PNMA6E: variants seen among roughly 807,000 people sequenced by gnomAD.
PNMA6E encodes the protein paraneoplastic antigen Ma6E.
For synonymous variants in PNMA6E, 43 were observed against 17.1 expected, an observed-to-expected ratio of 2.52 and a Z score of -3.74; for missense variants, 78 against 50.8, an observed-to-expected ratio of 1.53 and a Z score of -1.63.
At chrX:153,409,488 G>T in the PNMA6E span, among the ~76,000 whole-genome samples, 285 of 113,151 alleles carry the variant, frequency 2.5e-3, 4 homozygotes, top group East Asian at 0.051. Flanking sequence ...GTTGGGCATG[G>T]GTTTGCAGTT....
rs782039553 is a variant in PNMA6E, at chrX:153,399,582, A to G, written c.-71-662T>C. Among the ~76,000 whole-genome samples, 400 of 111,370 alleles carry G rather than the reference A, an allele frequency of 3.6e-3. 3 individuals are homozygous for G. Among genetic ancestry groups the G allele is most frequent in the African/African-American group, 0.012 (377 of 30,583 alleles). On this transcript the variant is annotated intron_variant, in intron 1 of 1. Transcript: ENST00000445091. Reference sequence around the variant, plus strand: ...AGGCTGGCCTTGAACTCCTGGGCTCAGGCAATCCTCCCGCCTCAGCCTCTC... The same window carrying G: ...AGGCTGGCCTTGAACTCCTGGGCTCGGGCAATCCTCCCGCCTCAGCCTCTC...
At chrX:153,409,479 T>C in the PNMA6E span, among the ~76,000 whole-genome samples, 103 of 112,998 alleles carry the variant, frequency 9.1e-4, no homozygotes, top group Non-Finnish European at 1.2e-3. Context: ...CCTCTCTAGG[T>C]TGGGCATGGG....
intron 1 of PNMA6E, among the ~76,000 whole-genome samples, chrX:153,399,333 GTGT>G (rs2088833416): frequency 9.9e-6 from 1 of 101,512 alleles, no homozygotes. Context: ...GTGTGTGTGT[GTGT>G]TGTTTTTTGT....
upstream of PNMA6E, among the ~76,000 whole-genome samples, chrX:153,404,630 T>G (rs2088868876): frequency 8.9e-6 from 1 of 112,167 alleles, no homozygotes; most frequent in Non-Finnish European, 1.9e-5. Flanking sequence ...GTATTGGGCA[T>G]CAGCTGAAAC....
chrX:153,398,713 A>C lies in PNMA6E; in HGVS notation c.137T>G (p.Leu46Arg). 3.2e-6 allele frequency: 1 copy of C among 309,728 alleles called. No homozygotes were observed. The allele number at this position is 309,728 out of a possible 1,213,427, so 25.5% of individuals were successfully genotyped here. A position where few individuals can be genotyped will look rare whatever the true frequency, so the allele number is the denominator to read the frequency against. ...QEAVRAALSP[L>R]GRYRVLTKHF... The stretch of plus-strand genomic sequence containing the variant: ...CTTGGTGAGTACTCGGTACCTGCCC[A>C]GGGGCGACAGGGCAGCCCGCACGGC... The change falls in exon 2 of 2, where the codon CTG becomes CGG. Residue 46 changes from leucine (L) to arginine (R), a missense_variant. Physicochemically the swap from Leu to Arg is moderately radical, Grantham distance 102 (BLOSUM62 -2). Coordinates refer to ENST00000445091, the MANE Select transcript of PNMA6E (RefSeq NM_001367770.1).
chrX:153,401,861 C>T (rs191711433), upstream of PNMA6E, among the ~76,000 whole-genome samples: 437 of 82,659 alleles, frequency 5.3e-3, 6 homozygotes, highest in African/African-American at 0.019. Flanking sequence ...TTTTGAGACT[C>T]GCTCTGTTGC....
intron 1 of PNMA6E, among the ~76,000 whole-genome samples, 175 bp downstream of exon 1, chrX:153,401,069 C>T (rs1027220183): frequency 1.5e-4 from 16 of 108,989 alleles, no homozygotes; most frequent in African/African-American, 4.0e-4. Context: ...ACAGCCACGC[C>T]GCACCTAAAC....
At chrX:153,406,114 TC>T (rs2088875982), upstream of PNMA6E, among the ~76,000 whole-genome samples, 1 of 110,312 alleles carries the variant, frequency 9.1e-6, no homozygotes, top group Admixed American at 9.6e-5. Flanking sequence ...GTAAGAAGAG[TC>T]AAAAAAGGAC....
rs1287034964 is a variant in PNMA6E, at chrX:153,396,203, A to C, written c.*703T>G. On this transcript the variant is annotated 3_prime_UTR_variant, in exon 2 of 2. Transcript: ENST00000445091. ...CCGGGGAGAGGCTGCTCAGAGAAGA[A>C]CACACGCAGCTCCACGAGAACAAGC... 1 of 122,396 alleles carries C rather than the reference A, an allele frequency of 8.2e-6. No homozygotes were observed. The highest frequency in any genetic ancestry group is 3.8e-4 in the South Asian group (1 of 2,601). The allele number at this position is 122,396 out of a possible 1,213,427, so 10.1% of individuals were successfully genotyped here. A position where few individuals can be genotyped will look rare whatever the true frequency, so the allele number is the denominator to read the frequency against.
Position 153,397,102 on chromosome X carries a change from G to C in PNMA6E, c.1748C>G (p.Pro583Arg), listed in dbSNP as rs1219439113. The C allele has an allele frequency of 6.7e-6, 2 of 298,235 alleles. No individual in the cohort carries two copies. The highest frequency in any genetic ancestry group is 9.5e-5 in the East Asian group (2 of 21,077). 24.6% of individuals were successfully genotyped at this position (298,235 alleles called of 1,213,427 possible). ...RPIEVPWGSS[P>R]ARMSSAVWVF... ...CCAGACAGCACTGCTCATCCGGGCT[G>C]GGGAGGAGCCCCAGGGGACCTCTAT... The change falls in exon 2 of 2, where the codon CCA becomes CGA. Residue 583 changes from proline (P) to arginine (R), a missense_variant. Pro to Arg is a moderately radical substitution (Grantham distance 103). Transcript: ENST00000445091.
chrX:153,413,206 G>A, the PNMA6E span, among the ~76,000 whole-genome samples: 2 of 108,929 alleles, frequency 1.8e-5, no homozygotes, highest in South Asian at 4.1e-4. Flanking sequence ...TGCTCCCACC[G>A]AGTGGGACTG....
upstream of PNMA6E, among the ~76,000 whole-genome samples, chrX:153,405,469 A>G (rs782023070): frequency 9.0e-6 from 1 of 110,975 alleles, no homozygotes; most frequent in Non-Finnish European, 1.9e-5. Flanking sequence ...CAGAGAAGGC[A>G]GCGTGTGTCT....
the PNMA6E span, among the ~76,000 whole-genome samples, chrX:153,412,395 A>C: frequency 5.3e-5 from 6 of 112,654 alleles, no homozygotes; most frequent in Non-Finnish European, 9.4e-5. Context: ...GAGATCTGCC[A>C]GGGACACGGC....
chrX:153,400,943 C>T (rs2124273455), intron 1 of PNMA6E, among the ~76,000 whole-genome samples: 1 of 109,895 alleles, frequency 9.1e-6, no homozygotes, highest in Non-Finnish European at 1.9e-5. Flanking sequence ...GCGACCCTCT[C>T]CGCCCAGGGA....
At chrX:153,410,126 C>G in the PNMA6E span, among the ~76,000 whole-genome samples, 1 of 111,322 alleles carries the variant, frequency 9.0e-6, no homozygotes, top group Non-Finnish European at 1.9e-5. Flanking sequence ...CCTCTTCCAG[C>G]TTCTGGGGGC....
At chrX:153,404,616 C>T (rs781941513), upstream of PNMA6E, among the ~76,000 whole-genome samples, 111 of 112,095 alleles carry the variant, frequency 9.9e-4, no homozygotes, top group African/African-American at 3.1e-3. Context: ...ACTCCGTTTC[C>T]ACGGTATTGG....
chrX:153,396,502 G>C lies in PNMA6E; in HGVS notation c.*404C>G, dbSNP rs782523855. 28 of 116,019 alleles carry C rather than the reference G, an allele frequency of 2.4e-4. No individual in the cohort carries two copies. Among genetic ancestry groups the C allele is most frequent in the Non-Finnish European group, 4.2e-4 (23 of 55,284 alleles). 9.6% of individuals were successfully genotyped at this position (116,019 alleles called of 1,213,427 possible). ...GATGGCAAGTGGGCTGACCCCTCTTGAGAGACCCAGGCAGCTGGCAACCTT... is the reference window on the plus strand; with the variant it reads ...GATGGCAAGTGGGCTGACCCCTCTTCAGAGACCCAGGCAGCTGGCAACCTT... On this transcript the variant is annotated 3_prime_UTR_variant, in exon 2 of 2. Coordinates refer to ENST00000445091, the MANE Select transcript of PNMA6E (RefSeq NM_001367770.1).
the PNMA6E span, among the ~76,000 whole-genome samples, chrX:153,409,597 G>A: frequency 2.7e-5 from 3 of 113,167 alleles, no homozygotes; most frequent in East Asian, 2.8e-4. Context: ...TAGGCGTCGC[G>A]CTCTTCAGCT....
Position 153,396,263 on chromosome X carries a change from G to C in PNMA6E, c.*643C>G, listed in dbSNP as rs1602869367. ...CCTAGATCTACGCCAGGAAAGCAGA[G>C]GTGGTGCTCACGATGCAGGACAGCA... On this transcript the variant is annotated 3_prime_UTR_variant, in exon 2 of 2. Coordinates refer to ENST00000445091, the MANE Select transcript of PNMA6E (RefSeq NM_001367770.1). 1 of 122,676 alleles carries C rather than the reference G, an allele frequency of 8.2e-6. No individual in the cohort carries two copies. The highest frequency in any genetic ancestry group is 1.9e-5 in the Non-Finnish European group (1 of 53,266). 10.1% of individuals were successfully genotyped at this position (122,676 alleles called of 1,213,427 possible). A position where few individuals can be genotyped will look rare whatever the true frequency, so the allele number is the denominator to read the frequency against.
Sources: allele counts gnomAD v4.1 joint callset (sites outside exome capture counted in the v4.1 genomes callset), GRCh38; gene constraint gnomAD v4.1.1; transcripts MANE v1.5; gene names NCBI Gene and HGNC (gene_info 2026-07-23, HGNC 2026-07-21).